The following DLG1 variants were observed in gnomAD, a reference collection of about 807,000 sequenced individuals.
The protein encoded by DLG1 is disks large homolog 1.
In DLG1, 42 loss-of-function variants were observed where a neutral mutation model predicts 123.4. The ratio of observed to expected loss-of-function variants is 0.34; its 90% CI spans 0.27 to 0.44. The LOEUF (loss-of-function observed/expected upper bound fraction) is 0.44. DLG1 is among the 20% of genes least tolerant of loss of function. The pLI, the probability that DLG1 is intolerant of heterozygous loss-of-function variation, is 1.00. For synonymous variants in DLG1, 317 were observed against 356.2 expected (o/e 0.89, Z 1.24); for missense variants, 942 against 1,082.6 (o/e 0.87, Z 1.82).
chr3:197,143,122 T>C (rs1339446936), intron 6 of DLG1, among the ~76,000 whole-genome samples: 1 of 152,160 alleles, frequency 6.6e-6, no homozygotes, highest in African/African-American at 2.4e-5. Context: ...ACCTCTTCAC[T>C]CTCATTTCTA....
intron 18 of DLG1, among the ~76,000 whole-genome samples, chr3:197,073,176 A>C (rs973117035): frequency 1.2e-4 from 19 of 152,250 alleles, no homozygotes; most frequent in Non-Finnish European, 1.5e-5. Context: ...TGCAAATGAA[A>C]ATAAGTCTGT....
chr3:197,093,793 A>G (rs1451636910), intron 14 of DLG1, among the ~76,000 whole-genome samples: 1 of 152,120 alleles, frequency 6.6e-6, no homozygotes, highest in African/African-American at 2.4e-5. Context: ...CCAGTGGCAG[A>G]TTATATTTTC....
At chr3:197,184,070 T>C in intron 5 of DLG1, 1 of 1,237,694 alleles carries the variant, frequency 8.1e-7, no homozygotes, top group Non-Finnish European at 1.0e-6. Context: ...TGGATTTCTT[T>C]CTCATGATTA....
chr3:197,187,505 G>C (rs1296276761), intron 5 of DLG1, among the ~76,000 whole-genome samples: 7 of 152,066 alleles, frequency 4.6e-5, no homozygotes, highest in Non-Finnish European at 1.0e-4. Flanking sequence ...CATTGACCCT[G>C]TTTTTTCTGT....
At chr3:197,254,525 AAAG>A (rs1755940556) in intron 4 of DLG1, among the ~76,000 whole-genome samples, 1 of 152,230 alleles carries the variant, frequency 6.6e-6, no homozygotes, top group South Asian at 2.1e-4. Context: ...TAAGACATGT[AAAG>A]AAGTAGGATA....
intron 5 of DLG1, among the ~76,000 whole-genome samples, chr3:197,185,925 G>A (rs746954785): frequency 2.8e-4 from 42 of 152,144 alleles, no homozygotes; most frequent in Admixed American, 1.7e-3. Flanking sequence ...GGCTCTTAGT[G>A]TGCATCTATT....
In DLG1 at chr3:197,250,167, C is replaced by CA. The variant is rs900233788; in HGVS notation, c.318+32511dup. Among the ~76,000 whole-genome samples the CA allele has an allele frequency of 6.6e-5, 10 of 151,440 alleles. No individual in the cohort carries two copies. The East Asian group carries it at 7.7e-4, about 12-fold the overall frequency. On this transcript the variant is annotated intron_variant, in intron 4 of 24. Transcript: ENST00000667157. The stretch of plus-strand genomic sequence containing the variant: ...ACCTAGAAAAACCTAAAGACTTCAC[C>CA]AAAAAAAACTGTAAGAACTGATACA...
At chr3:197,256,227 G>C (rs181412457) in intron 4 of DLG1, among the ~76,000 whole-genome samples, 9 of 152,352 alleles carry the variant, frequency 5.9e-5, no homozygotes, top group African/African-American at 2.2e-4. Flanking sequence ...AGTCTAGAGA[G>C]TAAGTATTTT....
intron 4 of DLG1, among the ~76,000 whole-genome samples, chr3:197,197,056 A>C (rs1722916003): frequency 6.6e-6 from 1 of 152,214 alleles, no homozygotes; most frequent in Non-Finnish European, 1.5e-5. Context: ...AGTATCTTTT[A>C]ATTTATAAGT....
intron 6 of DLG1, among the ~76,000 whole-genome samples, chr3:197,146,628 C>CA (rs1790913614): frequency 6.6e-6 from 1 of 152,152 alleles, no homozygotes; most frequent in Non-Finnish European, 1.5e-5. Flanking sequence ...CCTCATCTCT[C>CA]ACCTTATAAA....
rs539164301 is a variant in DLG1, at chr3:197,144,515, G to A, written c.538-1747C>T. 3.9e-5 allele frequency among the ~76,000 whole-genome samples: 6 copies of A among 152,262 alleles called. No homozygotes were observed. The East Asian group carries it at 1.2e-3, about 29-fold the overall frequency. On this transcript the variant is annotated intron_variant, in intron 6 of 24. Coordinates refer to ENST00000667157, the MANE Select transcript of DLG1 (RefSeq NM_001366207.1). ...AATTCATTATGAGAAAAAATGAACT[G>A]TTGTTCTTTTAAGCCCCTAAGCTTC...
At chr3:197,230,749 A>C (rs1475565105) in intron 4 of DLG1, among the ~76,000 whole-genome samples, 5 of 152,232 alleles carry the variant, frequency 3.3e-5, no homozygotes, top group Non-Finnish European at 7.3e-5. Context: ...TTATGTAAAC[A>C]ATTGTAATTC....
chr3:197,113,123 T>C (rs1164228737), intron 13 of DLG1, among the ~76,000 whole-genome samples: 2 of 152,220 alleles, frequency 1.3e-5, no homozygotes, highest in African/African-American at 2.4e-5. Context: ...CTAGGTATTA[T>C]AGCACCATTT....
intron 4 of DLG1, among the ~76,000 whole-genome samples, chr3:197,241,747 T>G (rs190524635): frequency 1.3e-5 from 2 of 152,312 alleles, no homozygotes; most frequent in African/African-American, 4.8e-5. Flanking sequence ...GTTTCTATTC[T>G]TTTGTGATCT....
At position 197,043,384 on chromosome 3, in the gene DLG1, T is replaced by C. The variant is rs979437564; in HGVS notation, c.*1239A>G. 1 of 152,122 alleles carries C rather than the reference T, an allele frequency of 6.6e-6. No homozygotes were observed. Among genetic ancestry groups the C allele is most frequent in the African/African-American group, 2.4e-5 (1 of 41,436 alleles). The allele number at this position is 152,122 out of a possible 1,614,324, so 9.4% of individuals were successfully genotyped here. ...CTCAGGAACCATTTGAAAACCTTTG[T>C]AGAAAAGAGGAGAATATGCCCACAC... On this transcript the variant is annotated 3_prime_UTR_variant, in exon 25 of 25. Transcript: ENST00000667157.
chr3:197,205,148 C>T (rs1727844032), intron 4 of DLG1, among the ~76,000 whole-genome samples: 1 of 152,092 alleles, frequency 6.6e-6, no homozygotes, highest in South Asian at 2.1e-4. Flanking sequence ...TTACTCCTTC[C>T]CCCAGAAGTA....
chr3:197,240,691 T>A (rs1489586831), intron 4 of DLG1, among the ~76,000 whole-genome samples: 8 of 152,080 alleles, frequency 5.3e-5, no homozygotes, highest in African/African-American at 1.9e-4. Context: ...AGTAATTTTT[T>A]AAAATTATCC....
At chr3:197,214,599 C>CA (rs748957758) in intron 4 of DLG1, among the ~76,000 whole-genome samples, 1 of 151,636 alleles carries the variant, frequency 6.6e-6, no homozygotes, top group Non-Finnish European at 1.5e-5. Context: ...TACTCGGAAA[C>CA]AAAAAAGACT....
intron 3 of DLG1, among the ~76,000 whole-genome samples, chr3:197,292,574 A>C (rs1234249549): frequency 6.6e-6 from 1 of 152,200 alleles, no homozygotes; most frequent in East Asian, 1.9e-4. Flanking sequence ...TGTACATTTA[A>C]AGATGGTGAA....
Sources: allele counts gnomAD v4.1 joint callset (sites outside exome capture counted in the v4.1 genomes callset), GRCh38; gene constraint gnomAD v4.1.1; transcripts MANE v1.5; gene names NCBI Gene and HGNC (gene_info 2026-07-23, HGNC 2026-07-21).